SREBF2: variants seen among roughly 807,000 people sequenced by gnomAD.
SREBF2 encodes the protein sterol regulatory element binding transcription factor 2.
SREBF2 carries 55 observed loss-of-function variants against 113.1 expected under a neutral mutation model. That is an observed-to-expected ratio of 0.49 (90% CI 0.39 to 0.61). The LOEUF (loss-of-function observed/expected upper bound fraction) is 0.61. Among genes scored for constraint, SREBF2 ranks in the 20% least tolerant of loss-of-function variants. The pLI, the probability that SREBF2 is intolerant of heterozygous loss-of-function variation, is 0.00. For missense variants in SREBF2, 1,349 were observed against 1,487.4 expected, an observed-to-expected ratio of 0.91 and a Z score of 1.53; for synonymous variants, 593 against 605.7, an observed-to-expected ratio of 0.98 and a Z score of 0.31.
chr22:41,853,519 T>A (rs933598083), intron 1 of SREBF2, among the ~76,000 whole-genome samples: 3 of 152,234 alleles, frequency 2.0e-5, no homozygotes, highest in African/African-American at 7.2e-5. Flanking sequence ...TTGTGATCCT[T>A]TCACTAACTC....
intron 11 of SREBF2, among the ~76,000 whole-genome samples, chr22:41,891,712 T>C (rs2077364598): frequency 6.6e-6 from 1 of 152,186 alleles, no homozygotes; most frequent in African/African-American, 2.4e-5. Flanking sequence ...GGAAGCGATG[T>C]CTGCGGGCCT....
At chr22:41,837,108 T>G (rs937737622) in intron 1 of SREBF2, among the ~76,000 whole-genome samples, 1 of 152,154 alleles carries the variant, frequency 6.6e-6, no homozygotes, top group Admixed American at 6.6e-5. Context: ...ATGAACAGTT[T>G]AGGCAGGGCA....
Position 41,906,626 on chromosome 22 carries a change from A to ACTT in SREBF2, c.*967_*969dup, listed in dbSNP as rs1468432284. ...TGTTGGGGTATTAAATGAATTTGTG[A>ACTT]CTTAGGATATTTTCATTTATGATGG... On this transcript the variant is annotated 3_prime_UTR_variant, in exon 19 of 19. Coordinates refer to ENST00000361204, the MANE Select transcript of SREBF2 (RefSeq NM_004599.4). The ACTT allele has an allele frequency of 6.6e-6, 1 of 152,282 alleles. No individual in the cohort carries two copies. Among genetic ancestry groups the ACTT allele is most frequent in the African/African-American group, 2.4e-5 (1 of 41,420 alleles). 9.4% of individuals were successfully genotyped at this position (152,282 alleles called of 1,614,324 possible).
chr22:41,885,100 TC>T (rs2077287912), intron 11 of SREBF2, 89 bp downstream of exon 11: 15 of 1,495,544 alleles, frequency 1.0e-5, no homozygotes, highest in Non-Finnish European at 1.3e-5. Flanking sequence ...TGAACCCCCT[TC>T]CCCATCAGGT....
chr22:41,886,978 G>A (rs867622905), intron 11 of SREBF2, among the ~76,000 whole-genome samples: 74 of 152,200 alleles, frequency 4.9e-4, no homozygotes, highest in African/African-American at 1.7e-3. Flanking sequence ...AGGGTGCATT[G>A]AGCGGAGATC....
chr22:41,851,690 T>C (rs2076932449), intron 1 of SREBF2, among the ~76,000 whole-genome samples: 1 of 151,862 alleles, frequency 6.6e-6, no homozygotes, highest in African/African-American at 2.4e-5. Context: ...AGAGAGGGTT[T>C]CACCCTGTTG....
rs1354329361 is a variant in SREBF2, at chr22:41,880,986, A to C, written c.2032A>C (p.Ile678Leu). The change falls in exon 10 of 19, where the codon ATC (isoleucine) becomes CTC (leucine). Residue 678 changes from isoleucine to leucine, a missense_variant. Coordinates refer to ENST00000361204, the MANE Select transcript of SREBF2 (RefSeq NM_004599.4). ...CTATCACCGGCTGCACCAGCTGCAC[A>C]TCACAGGTGAGGGGGCAGCTGCTGC... ...LAYHRLHQLHITGKLPAGSAC... is the reference protein window; with the variant it reads ...LAYHRLHQLHLTGKLPAGSAC... 1 of 1,607,072 alleles carries C rather than the reference A, an allele frequency of 6.2e-7. No individual in the cohort carries two copies.
chr22:41,900,506 G>T lies in SREBF2; in HGVS notation c.2907+8G>T. 1 of 1,611,920 alleles carries T rather than the reference G, an allele frequency of 6.2e-7. No individual in the cohort carries two copies. The highest frequency in any genetic ancestry group is 8.5e-7 in the Non-Finnish European group (1 of 1,178,938). ...GACCCTGCCCTCAACCACGTGAGTG[G>T]GAGCTGAGTTGGCCCCTGGGGGAGG... is the stretch of plus-strand genomic sequence containing the variant. On this transcript the variant is annotated splice_region_variant and intron_variant, in intron 16 of 18. Transcript: ENST00000361204.
intron 1 of SREBF2, among the ~76,000 whole-genome samples, chr22:41,860,114 A>G (rs1360617112): frequency 6.6e-6 from 1 of 152,002 alleles, no homozygotes; most frequent in Non-Finnish European, 1.5e-5. Context: ...CGACATGGTG[A>G]TTCTTAATTG....
intron 1 of SREBF2, among the ~76,000 whole-genome samples, chr22:41,866,565 A>C (rs559956654): frequency 6.6e-6 from 1 of 152,180 alleles, no homozygotes; most frequent in East Asian, 1.9e-4. Flanking sequence ...AAAAGAAAAA[A>C]GAAAGAAAAT....
chr22:41,884,520 AAC>A (rs1832452432), intron 10 of SREBF2, among the ~76,000 whole-genome samples: 1 of 152,192 alleles, frequency 6.6e-6, no homozygotes, highest in Admixed American at 6.5e-5. Context: ...AATGTTTGGA[AAC>A]ACACAGTGTG....
rs764977781 is a variant in SREBF2, at chr22:41,893,184, G to A, written c.2276G>A (p.Arg759His). The stretch of plus-strand genomic sequence containing the variant: ...CACAGTGCTGTTCCTGACTCCCTGC[G>A]CTGGCTCTGCCACCCCCTGGGCCAG... ...PEHSAVPDSL[R>H]WLCHPLGQKF... The change falls in exon 12 of 19, where the codon CGC (arginine) becomes CAC (histidine). Residue 759 changes from arginine to histidine, a missense_variant. Physicochemically the swap from Arg to His is conservative, Grantham distance 29. Transcript: ENST00000361204. 6 of 1,614,138 alleles carry A rather than the reference G, an allele frequency of 3.7e-6. No individual in the cohort carries two copies. The highest frequency in any genetic ancestry group is 2.2e-5 in the South Asian group (2 of 91,082).
rs140712127 is a variant in SREBF2, at chr22:41,860,535, A to G, written c.89-6296A>G. 3.7e-4 allele frequency among the ~76,000 whole-genome samples: 57 copies of G among 152,302 alleles called. No homozygotes were observed. In the East Asian group the frequency reaches 0.011, roughly 29 times the overall value. ...TGACCCAGCCATCTAACTTCTAGGA[A>G]TTTATCCTAAGAAAATAGAGAAGTG... On this transcript the variant is annotated intron_variant, in intron 1 of 18. Coordinates refer to ENST00000361204, the MANE Select transcript of SREBF2 (RefSeq NM_004599.4).
chr22:41,873,213 A>G (rs1035455867), intron 4 of SREBF2, among the ~76,000 whole-genome samples: 3 of 152,172 alleles, frequency 2.0e-5, no homozygotes, highest in Admixed American at 6.6e-5. Context: ...AAATAAAATA[A>G]AATAAAATAA....
intron 1 of SREBF2, among the ~76,000 whole-genome samples, chr22:41,834,213 G>C (rs1281196620): frequency 6.6e-6 from 1 of 152,140 alleles, no homozygotes; most frequent in Non-Finnish European, 1.5e-5. Context: ...GCAGTTCCTT[G>C]GCCAGTATTG....
chr22:41,868,759 G>T lies in SREBF2; in HGVS notation c.687G>T (p.Gln229His). Residue 229 changes from glutamine (Q) to histidine (H), a missense_variant, in exon 3 of 19, where the codon CAG (glutamine) becomes CAT (histidine). Physicochemically the swap from Gln to His is conservative, Grantham distance 24 (BLOSUM62 0). Transcript: ENST00000361204. ...AGACCCTTGCCCCGGCTACGGTGCA[G>T]ACAGTTGCTGCGCCACAGGTGCAGC... ...TLQTLAPATV[Q>H]TVAAPQVQQV... 6.2e-7 allele frequency: 1 copy of T among 1,613,656 alleles called. No homozygotes were observed. Among genetic ancestry groups the T allele is most frequent in the Non-Finnish European group, 8.5e-7 (1 of 1,179,798 alleles).
intron 11 of SREBF2, chr22:41,891,261 G>T (rs1206060439): frequency 6.6e-6 from 1 of 152,216 alleles, no homozygotes; most frequent in Non-Finnish European, 1.5e-5. Context: ...TATCAGCTCA[G>T]ATTCAGTGAG....
intron 11 of SREBF2, 26 bp from the exon 12 acceptor site, chr22:41,893,091 T>TA: frequency 6.8e-6 from 11 of 1,611,732 alleles, no homozygotes; most frequent in African/African-American, 4.0e-5. Flanking sequence ...ACCTTGGTGT[T>TA]ACCCCTGGTC....
At chr22:41,879,297 A>G (rs912180342) in intron 9 of SREBF2, among the ~76,000 whole-genome samples, 1 of 152,230 alleles carries the variant, frequency 6.6e-6, no homozygotes, top group African/African-American at 2.4e-5. Context: ...TGACTCAAGG[A>G]TAAGAGAGGC....
Sources: gnomAD v4.1 joint callset for allele counts (sites outside exome capture counted in the v4.1 genomes callset) on GRCh38, gnomAD v4.1.1 for gene constraint, MANE v1.5 for transcripts, NCBI Gene and HGNC (gene_info 2026-07-23, HGNC 2026-07-21) for gene names.